SYTL5: variants seen among roughly 807,000 people sequenced by gnomAD.
The protein encoded by SYTL5 is synaptotagmin-like protein 5.
Under a neutral mutation model 55.9 loss-of-function variants are expected in SYTL5, and 34 were observed. That is an observed-to-expected ratio of 0.61 (90% confidence interval 0.46 to 0.81). The LOEUF is 0.81. SYTL5 is among the 30% of genes least tolerant of loss of function. SYTL5 has a pLI of 0.00. For synonymous variants in SYTL5, 221 were observed against 188.7 expected (o/e 1.17, Z -1.40); for missense variants, 637 against 546.7 (o/e 1.17, Z -1.65).
chrX:37,918,524 A>G, the SYTL5 span, among the ~76,000 whole-genome samples: 2 of 112,276 alleles, frequency 1.8e-5, no homozygotes, highest in Non-Finnish European at 3.8e-5. Context: ...CTGTAGATTT[A>G]TGGGATAACT....
intron 5 of SYTL5, among the ~76,000 whole-genome samples, chrX:38,074,935 T>C (rs937492686): frequency 5.8e-5 from 6 of 103,997 alleles, no homozygotes; most frequent in Admixed American, 1.0e-4. Flanking sequence ...CACACACACA[T>C]GCACACACTT....
the SYTL5 span, among the ~76,000 whole-genome samples, chrX:37,957,187 C>A: frequency 9.0e-6 from 1 of 111,505 alleles, no homozygotes; most frequent in South Asian, 3.8e-4. Flanking sequence ...TATATTCGCC[C>A]CTTATCAGAT....
chrX:38,085,559 T>C (rs1318156637), intron 6 of SYTL5, among the ~76,000 whole-genome samples: 1 of 112,270 alleles, frequency 8.9e-6, no homozygotes, highest in Non-Finnish European at 1.9e-5. Flanking sequence ...ATATTCATTG[T>C]AGATCCAAAA....
At chrX:37,995,503 G>T in the SYTL5 span, among the ~76,000 whole-genome samples, 9 of 112,195 alleles carry the variant, frequency 8.0e-5, no homozygotes, top group Non-Finnish European at 1.7e-4. Context: ...ACCACTGGAT[G>T]ATTCCTTATG....
rs139746469 is a variant in SYTL5, at chrX:38,120,535, G to A, written c.1705+69G>A. On this transcript the variant is annotated intron_variant, in intron 14 of 16. Transcript: ENST00000297875. ...TAGAAGTGTGGTAGTGGGACTCAGGGATTGGTTGCATTATATTTCTTTCAT... is the reference window on the plus strand; with the variant it reads ...TAGAAGTGTGGTAGTGGGACTCAGGAATTGGTTGCATTATATTTCTTTCAT... 236 of 814,493 alleles carry A rather than the reference G, an allele frequency of 2.9e-4. No individual in the cohort carries two copies. In the African/African-American group the frequency reaches 3.8e-3, roughly 13 times the overall value. The allele number at this position is 814,493 out of a possible 1,213,427, so 67.1% of individuals were successfully genotyped here. A position where few individuals can be genotyped will look rare whatever the true frequency, so the allele number is the denominator to read the frequency against.
chrX:37,905,067 A>G, the SYTL5 span, among the ~76,000 whole-genome samples: 1 of 110,747 alleles, frequency 9.0e-6, no homozygotes, highest in African/African-American at 3.3e-5. Flanking sequence ...TGCTGAAGCT[A>G]TTAACTCTTC....
In SYTL5 at chrX:38,033,282, G is replaced by T. The variant is rs373776148; in HGVS notation, c.-356-252G>T. On this transcript the variant is annotated intron_variant, in intron 1 of 16. Coordinates refer to ENST00000297875, the MANE Select transcript of SYTL5 (RefSeq NM_138780.3). The stretch of plus-strand genomic sequence containing the variant: ...GCAAGAGTGGCGACGTGATGCAGCT[G>T]GCGGAGGAAGCTAATTATAATGGAG... Among the ~76,000 whole-genome samples, 16 of 111,416 alleles carry T rather than the reference G, an allele frequency of 1.4e-4. No homozygotes were observed. In the East Asian group the frequency reaches 3.7e-3, roughly 26 times the overall value.
chrX:37,987,832 C>G, the SYTL5 span, among the ~76,000 whole-genome samples: 1 of 111,803 alleles, frequency 8.9e-6, no homozygotes, highest in African/African-American at 3.3e-5. Context: ...CATCATCTGC[C>G]CCTGGAAGAT....
the SYTL5 span, among the ~76,000 whole-genome samples, chrX:37,953,151 TA>T: frequency 0.015 from 1,635 of 111,642 alleles, 16 homozygotes; most frequent in Middle Eastern, 0.032. Flanking sequence ...TAAATTAATT[TA>T]AAAAAGTGAA....
chrX:37,956,991 G>A, the SYTL5 span, among the ~76,000 whole-genome samples: 9 of 111,796 alleles, frequency 8.1e-5, no homozygotes, highest in African/African-American at 2.6e-4. Flanking sequence ...TAAGAGGTAT[G>A]AGGTGATATC....
At chrX:38,100,734 A>G (rs1239367418) in intron 9 of SYTL5, among the ~76,000 whole-genome samples, 1 of 111,223 alleles carries the variant, frequency 9.0e-6, no homozygotes, top group African/African-American at 3.3e-5. Context: ...AAAATTTGAC[A>G]TTATCTTTAA....
chrX:38,102,778 C>T (rs1183696878), intron 10 of SYTL5, among the ~76,000 whole-genome samples: 1 of 111,848 alleles, frequency 8.9e-6, no homozygotes, highest in African/African-American at 3.3e-5. Flanking sequence ...CAGCTGTCCT[C>T]CAGACTGCTG....
chrX:38,080,451 A>G (rs758663011), intron 6 of SYTL5, among the ~76,000 whole-genome samples: 2 of 110,943 alleles, frequency 1.8e-5, no homozygotes, highest in East Asian at 5.7e-4. Context: ...CACGCACACC[A>G]GTTTCATCCA....
At chrX:37,950,179 G>A in the SYTL5 span, among the ~76,000 whole-genome samples, 1 of 111,105 alleles carries the variant, frequency 9.0e-6, no homozygotes, top group Non-Finnish European at 1.9e-5. Flanking sequence ...CCTTTCACCT[G>A]TTTTCCTACT....
At chrX:37,906,659 A>G in the SYTL5 span, 1 of 112,595 alleles carries the variant, frequency 8.9e-6, no homozygotes, top group Non-Finnish European at 1.9e-5. Flanking sequence ...CTGAATCGAA[A>G]TGTTCCGGAG....
intron 2 of SYTL5, among the ~76,000 whole-genome samples, chrX:38,047,992 C>A (rs1039138002): frequency 2.1e-4 from 23 of 110,572 alleles, no homozygotes; most frequent in African/African-American, 7.6e-4. Flanking sequence ...CGAGACCATC[C>A]TGGCTAACAT....
the SYTL5 span, among the ~76,000 whole-genome samples, chrX:37,936,591 G>A: frequency 5.3e-5 from 6 of 112,174 alleles, no homozygotes; most frequent in Non-Finnish European, 1.1e-4. Flanking sequence ...ATTGAGGACT[G>A]TAGGTGATTC....
At chrX:37,941,187 A>G in the SYTL5 span, among the ~76,000 whole-genome samples, 1 of 111,951 alleles carries the variant, frequency 8.9e-6, no homozygotes, top group Non-Finnish European at 1.9e-5. Context: ...CATCGACTTC[A>G]GGGATTCCCT....
At chrX:37,892,600 G>GTATATACATATATATATAGTA in the SYTL5 span, among the ~76,000 whole-genome samples, 2 of 91,661 alleles carry the variant, frequency 2.2e-5, no homozygotes, top group Middle Eastern at 9.7e-3. Flanking sequence ...TAGTATGTAT[G>GTATATACATATATATATAGTA]TATATAATTG....
Sources: gnomAD v4.1 joint callset for allele counts (sites outside exome capture counted in the v4.1 genomes callset) on GRCh38, gnomAD v4.1.1 for gene constraint, MANE v1.5 for transcripts, NCBI Gene and HGNC (gene_info 2026-07-23, HGNC 2026-07-21) for gene names.